Variants in SNX18 observed in about 807,000 individuals in gnomAD.
The protein encoded by SNX18 is sorting nexin 18, also known as sorting nexin-18.
Under a neutral mutation model 48.7 loss-of-function variants are expected in SNX18, and 35 were observed. The observed-to-expected ratio is 0.72, with a 90% confidence interval of 0.55 to 0.95. The LOEUF is 0.95. SNX18 is among the 40% of genes least tolerant of loss of function. The pLI is 0.00. For synonymous variants in SNX18, 492 were observed against 384.7 expected, an observed-to-expected ratio of 1.28 and a Z score of -3.26; for missense variants, 824 against 871.0, an observed-to-expected ratio of 0.95 and a Z score of 0.68.
chr5:54,591,174 TTTTTTG>T, the SNX18 span, among the ~76,000 whole-genome samples: 1 of 151,850 alleles, frequency 6.6e-6, no homozygotes, highest in African/African-American at 2.4e-5. Context: ...TTTGGGTTTT[TTTTTTG>T]TTTTGTTTTG....
the SNX18 span, among the ~76,000 whole-genome samples, chr5:54,573,803 T>C: frequency 6.6e-6 from 1 of 152,164 alleles, no homozygotes; most frequent in Non-Finnish European, 1.5e-5. Flanking sequence ...AGGTAAGAGA[T>C]ATTGTAGTGC....
At chr5:54,586,572 T>G in the SNX18 span, among the ~76,000 whole-genome samples, 1 of 152,318 alleles carries the variant, frequency 6.6e-6, no homozygotes, top group African/African-American at 2.4e-5. Context: ...AGACACGGAT[T>G]AAATCAAGCT....
chr5:54,647,836 G>C, the SNX18 span, among the ~76,000 whole-genome samples: 1 of 152,116 alleles, frequency 6.6e-6, no homozygotes, highest in African/African-American at 2.4e-5. Flanking sequence ...GAACAGATTT[G>C]AGAGAAGTGA....
chr5:54,541,979 G>T (rs772625392), intron 1 of SNX18, among the ~76,000 whole-genome samples: 66 of 152,060 alleles, frequency 4.3e-4, no homozygotes, highest in Non-Finnish European at 8.5e-4. Context: ...CCTACTCAAG[G>T]TTCCTGGTTC....
At chr5:54,538,000 A>G (rs2111581755) in intron 1 of SNX18, among the ~76,000 whole-genome samples, 1 of 152,322 alleles carries the variant, frequency 6.6e-6, no homozygotes, top group African/African-American at 2.4e-5. Flanking sequence ...CAAGTCTATG[A>G]TGATCTAACT....
chr5:54,627,961 C>T, the SNX18 span, among the ~76,000 whole-genome samples: 1 of 152,142 alleles, frequency 6.6e-6, no homozygotes, highest in African/African-American at 2.4e-5. Context: ...CCATTACCCA[C>T]GCCTACATCT....
At chr5:54,561,419 C>T in the SNX18 span, among the ~76,000 whole-genome samples, 2 of 151,946 alleles carry the variant, frequency 1.3e-5, no homozygotes, top group Non-Finnish European at 2.9e-5. Flanking sequence ...CTTACTGCAG[C>T]CTCAACCTCC....
At chr5:54,553,841 C>G in the SNX18 span, among the ~76,000 whole-genome samples, 2 of 152,198 alleles carry the variant, frequency 1.3e-5, no homozygotes, top group African/African-American at 4.8e-5. Flanking sequence ...GCATCTCCAA[C>G]GTGGGGGTTG....
chr5:54,645,218 G>C, the SNX18 span: 1 of 152,160 alleles, frequency 6.6e-6, no homozygotes, highest in African/African-American at 2.4e-5. Flanking sequence ...GAGTTATTTG[G>C]ATACAAAGAA....
At chr5:54,598,088 C>T in the SNX18 span, among the ~76,000 whole-genome samples, 12 of 151,732 alleles carry the variant, frequency 7.9e-5, no homozygotes, top group South Asian at 4.2e-4. Flanking sequence ...TACAACTATC[C>T]GAGAATAAAC....
the SNX18 span, among the ~76,000 whole-genome samples, chr5:54,602,720 G>A: frequency 2.0e-5 from 3 of 152,188 alleles, no homozygotes; most frequent in African/African-American, 4.8e-5. Flanking sequence ...GAGAAACCAA[G>A]TACACAGCTT....
the SNX18 span, among the ~76,000 whole-genome samples, chr5:54,618,595 A>C: frequency 6.6e-6 from 1 of 152,210 alleles, no homozygotes. Context: ...ATAACATGCG[A>C]TGTTAGAGTA....
rs1045654638 is a variant in SNX18 at position 54,532,862 on chromosome 5, A to G, written c.1622-10317A>G. 7.9e-5 allele frequency among the ~76,000 whole-genome samples: 12 copies of G among 152,234 alleles called. 1 individual carries two copies. The South Asian group carries it at 2.5e-3, about 32-fold the overall frequency. On this transcript the variant is annotated intron_variant, in intron 1 of 1. Transcript: ENST00000381410. ...TTGGAATGAGGTAAACTGTATGACT[A>G]TATATGCATAGTAACTAAAATAATC...
the SNX18 span, among the ~76,000 whole-genome samples, chr5:54,636,655 T>C: frequency 6.6e-6 from 1 of 152,090 alleles, no homozygotes; most frequent in South Asian, 2.1e-4. Context: ...CAAAAATGAG[T>C]AAGGAAAAAA....
chr5:54,629,185 G>A, the SNX18 span, among the ~76,000 whole-genome samples: 10 of 152,120 alleles, frequency 6.6e-5, no homozygotes, highest in Admixed American at 2.0e-4. Flanking sequence ...CCTGGCTCTC[G>A]GGAAAGTCTC....
At position 54,518,403 on chromosome 5, in the gene SNX18, G is replaced by T; in HGVS notation, c.451G>T (p.Asp151Tyr). The change falls in exon 1 of 2, where the codon GAT becomes TAT. Residue 151 changes from aspartate (D) to tyrosine (Y), a missense_variant. Around this residue, in one of 3 missense-constraint regions of SNX18, gnomAD observed 377 missense variants for 350.6 expected, o/e 1.08. Coordinates refer to ENST00000381410, the MANE Select transcript of SNX18 (RefSeq NM_001102575.2). ...CGGCTACCAGGCCAGCCAAGGCAGC[G>T]ATGATGACTGGGACGACGAGTGGGA... is the stretch of plus-strand genomic sequence containing the variant. ...YGGYQASQGS[D>Y]DDWDDEWDDS... 1 of 1,585,428 alleles carries T rather than the reference G, an allele frequency of 6.3e-7. No homozygotes were observed. Among genetic ancestry groups the T allele is most frequent in the Non-Finnish European group, 8.6e-7 (1 of 1,166,728 alleles).
the SNX18 span, among the ~76,000 whole-genome samples, chr5:54,599,014 A>T: frequency 2.0e-5 from 3 of 152,236 alleles, no homozygotes; most frequent in African/African-American, 7.2e-5. Flanking sequence ...TCTTAAGCTG[A>T]TAAGCAACTT....
At chr5:54,611,723 T>G in the SNX18 span, among the ~76,000 whole-genome samples, 1 of 152,046 alleles carries the variant, frequency 6.6e-6, no homozygotes, top group Non-Finnish European at 1.5e-5. Flanking sequence ...ACATAAGCCT[T>G]TATCTGGTAA....
At chr5:54,638,212 T>C in the SNX18 span, among the ~76,000 whole-genome samples, 3 of 152,334 alleles carry the variant, frequency 2.0e-5, no homozygotes, top group Non-Finnish European at 4.4e-5. Context: ...CCACGGTGCA[T>C]TTTTAGATAT....
Sources: allele counts gnomAD v4.1 joint callset (sites outside exome capture counted in the v4.1 genomes callset), GRCh38; gene constraint gnomAD v4.1.1; regional missense constraint gnomAD v4.1.1; transcripts MANE v1.5; gene names NCBI Gene and HGNC (gene_info 2026-07-23, HGNC 2026-07-21).